RBFOX1: variants seen among roughly 807,000 people sequenced by gnomAD.
RBFOX1 encodes RNA binding fox-1 homolog 1.
In RBFOX1, 8 loss-of-function variants were observed where a neutral mutation model predicts 57.7. The ratio of observed to expected loss-of-function variants is 0.14; its 90% CI spans 0.08 to 0.25. RBFOX1 has a LOEUF of 0.25. RBFOX1 is among the 10% of genes least tolerant of loss of function. The pLI, the probability that RBFOX1 is intolerant of heterozygous loss-of-function variation, is 1.00. For synonymous variants in RBFOX1, 326 were observed against 222.4 expected (o/e 1.47, Z -4.15); for missense variants, 611 against 548.5 (o/e 1.11, Z -1.14).
chr16:5,467,532 T>A (rs550416095), intron 2 of RBFOX1, among the ~76,000 whole-genome samples: 2 of 152,288 alleles, frequency 1.3e-5, no homozygotes, highest in East Asian at 3.9e-4. Flanking sequence ...AACAGCTTCT[T>A]ATTGGGAACA....
intron 3 of RBFOX1, among the ~76,000 whole-genome samples, chr16:7,049,927 C>A (rs995068149): frequency 3.3e-5 from 5 of 152,162 alleles, no homozygotes; most frequent in African/African-American, 1.2e-4. Context: ...TAAGTACATT[C>A]ACAATGTTGT....
intron 4 of RBFOX1, among the ~76,000 whole-genome samples, chr16:7,451,528 G>A (rs927766970): frequency 2.6e-5 from 4 of 152,072 alleles, no homozygotes; most frequent in African/African-American, 9.7e-5. Context: ...AAGCAGTGGT[G>A]GAGGAGATCT....
chr16:5,648,621 C>G, intron 3 of RBFOX1, among the ~76,000 whole-genome samples: 1 of 152,032 alleles, frequency 6.6e-6, no homozygotes, highest in East Asian at 1.9e-4. Context: ...TGATCTTACC[C>G]AACACGTCAA....
At chr16:7,362,517 T>TTA (rs1555782358) in intron 4 of RBFOX1, among the ~76,000 whole-genome samples, 8,693 of 151,460 alleles carry the variant, frequency 0.057, 625 homozygotes, top group African/African-American at 0.17. Context: ...GTTTTTTGTG[T>TTA]GTTTACATGT....
At chr16:7,701,619 C>G (rs2080764680) in intron 14 of RBFOX1, among the ~76,000 whole-genome samples, 6 of 152,162 alleles carry the variant, frequency 3.9e-5, no homozygotes, top group Admixed American at 3.9e-4. Flanking sequence ...TGTTTAGGGA[C>G]TGGTTTAGTT....
intron 1 of RBFOX1, among the ~76,000 whole-genome samples, chr16:6,028,250 A>C (rs2095234099): frequency 6.6e-6 from 1 of 152,184 alleles, no homozygotes; most frequent in African/African-American, 2.4e-5. Flanking sequence ...GCAAAGGCTG[A>C]TAAGAGGAGG....
chr16:6,688,216 G>A (rs922790060), intron 3 of RBFOX1, among the ~76,000 whole-genome samples: 4 of 152,048 alleles, frequency 2.6e-5, no homozygotes, highest in African/African-American at 7.2e-5. Flanking sequence ...TGTCTTAGGT[G>A]GCTAGAGCAG....
chr16:6,632,226 T>C (rs1345000533), intron 2 of RBFOX1, among the ~76,000 whole-genome samples: 1 of 152,048 alleles, frequency 6.6e-6, no homozygotes, highest in African/African-American at 2.4e-5. Flanking sequence ...GGAAGAACTT[T>C]AGAGTCTGTT....
chr16:5,752,239 TAG>T (rs2053234163), intron 3 of RBFOX1, among the ~76,000 whole-genome samples: 1 of 152,042 alleles, frequency 6.6e-6, no homozygotes, highest in African/African-American at 2.4e-5. Context: ...CAGGGACACA[TAG>T]AGGGGAGAAA....
chr16:7,600,580 A>G (rs1455032532), intron 9 of RBFOX1, among the ~76,000 whole-genome samples: 1 of 152,224 alleles, frequency 6.6e-6, no homozygotes, highest in Non-Finnish European at 1.5e-5. Context: ...CATTAGCTAC[A>G]TAATTCATTC....
chr16:7,681,587 A>C (rs544185583), intron 14 of RBFOX1, among the ~76,000 whole-genome samples: 1 of 152,292 alleles, frequency 6.6e-6, no homozygotes, highest in African/African-American at 2.4e-5. Flanking sequence ...TATACTAAAA[A>C]TTAAGGAATT....
intron 1 of RBFOX1, among the ~76,000 whole-genome samples, chr16:5,242,581 T>G (rs2062195105): frequency 6.6e-6 from 1 of 152,212 alleles, no homozygotes; most frequent in Non-Finnish European, 1.5e-5. Flanking sequence ...AACCCGTTTC[T>G]TCACTCACAG....
At chr16:6,989,960 C>T (rs989229094) in intron 3 of RBFOX1, among the ~76,000 whole-genome samples, 1 of 152,124 alleles carries the variant, frequency 6.6e-6, no homozygotes, top group Non-Finnish European at 1.5e-5. Flanking sequence ...GAGACCGCAC[C>T]ACCGCACTCC....
intron 4 of RBFOX1, among the ~76,000 whole-genome samples, chr16:5,890,946 C>G (rs2058032041): frequency 6.6e-6 from 1 of 152,130 alleles, no homozygotes; most frequent in Non-Finnish European, 1.5e-5. Context: ...GTTGCTTCAT[C>G]CGCCTGGATC....
intron 5 of RBFOX1, among the ~76,000 whole-genome samples, chr16:7,564,736 C>CCTAG (rs996426736): frequency 1.3e-5 from 2 of 152,042 alleles, no homozygotes; most frequent in African/African-American, 4.8e-5. Context: ...AATACAGACA[C>CCTAG]CTAGACAAGG....
At position 6,828,587 on chromosome 16, in the gene RBFOX1, A is replaced by G. The variant is rs150144508; in HGVS notation, c.-16+173937A>G. On this transcript the variant is annotated intron_variant, in intron 3 of 15. Transcript: ENST00000550418. ...AGGCTGTGGGCTGATCAGATCCTGA[A>G]AAACCGGGCATGGACCAAGCTGGCT... Among the ~76,000 whole-genome samples the G allele has an allele frequency of 2.6e-4, 39 of 152,068 alleles. No individual in the cohort carries two copies. The East Asian group carries it at 7.2e-3, about 28-fold the overall frequency.
intron 2 of RBFOX1, among the ~76,000 whole-genome samples, chr16:6,438,993 C>T (rs948931719): frequency 1.3e-5 from 2 of 152,162 alleles, no homozygotes; most frequent in African/African-American, 4.8e-5. Context: ...TGAAGTTCTG[C>T]ACCCTTAGAA....
At chr16:6,920,812 C>T (rs1289495911) in intron 3 of RBFOX1, among the ~76,000 whole-genome samples, 2 of 152,168 alleles carry the variant, frequency 1.3e-5, no homozygotes, top group Non-Finnish European at 2.9e-5. Flanking sequence ...ACCCTGAATC[C>T]AGGATGATTC....
At chr16:6,104,395 G>A (rs972388997) in intron 1 of RBFOX1, among the ~76,000 whole-genome samples, 1 of 152,058 alleles carries the variant, frequency 6.6e-6, no homozygotes. Context: ...TGGAAATAAG[G>A]TAATATTCAA....
Sources: gnomAD v4.1 joint callset for allele counts (sites outside exome capture counted in the v4.1 genomes callset) on GRCh38, gnomAD v4.1.1 for gene constraint, MANE v1.5 for transcripts, NCBI Gene and HGNC (gene_info 2026-07-23, HGNC 2026-07-21) for gene names.